Variants in ADAM12 observed in about 807,000 individuals in gnomAD.
ADAM12 encodes disintegrin and metalloproteinase domain-containing protein 12.
Under a neutral mutation model 106.4 loss-of-function variants are expected in ADAM12, and 70 were observed. That is an observed-to-expected ratio of 0.66 (90% confidence interval 0.54 to 0.80). The LOEUF (loss-of-function observed/expected upper bound fraction) is 0.80. Ranked by LOEUF, ADAM12 falls within the 30% of genes least tolerant of loss-of-function variation. ADAM12 has a pLI of 0.00. For synonymous variants in ADAM12, 420 were observed against 433.5 expected (o/e 0.97, Z 0.39); for missense variants, 1,010 against 1,171.9 (o/e 0.86, Z 2.02).
At position 126,071,612 on chromosome 10, in the gene ADAM12, G is replaced by A. The variant is rs773798732; in HGVS notation, c.1188C>T (p.Asp396=). The change falls in exon 12 of 23, where the codon GAC becomes GAT. Residue 396 remains aspartate, a synonymous_variant. Coordinates refer to ENST00000448723, the MANE Select transcript of ADAM12 (RefSeq NM_001288973.2). ...TTCCTTTCTCCAGGCTGGTCTCCAA[G>A]TCCTTCCTGCTGCAACTGCTGAACA... The part of the protein sequence containing the change: ...PMVFSSCSRK[D]LETSLEKGMG... 6.2e-7 allele frequency: 1 copy of A among 1,614,048 alleles called. No homozygotes were observed. The highest frequency in any genetic ancestry group is 8.5e-7 in the Non-Finnish European group (1 of 1,180,002).
intron 3 of ADAM12, among the ~76,000 whole-genome samples, chr10:126,253,836 G>C (rs1958835529): frequency 6.6e-6 from 1 of 152,230 alleles, no homozygotes; most frequent in South Asian, 2.1e-4. Context: ...GGCTCCATGA[G>C]AGAAGCCTCA....
chr10:126,383,649 C>T (rs1856563394), intron 1 of ADAM12, among the ~76,000 whole-genome samples: 1 of 151,922 alleles, frequency 6.6e-6, no homozygotes, highest in African/African-American at 2.4e-5. Flanking sequence ...AAGCAGAATA[C>T]CATCAACTTC....
At chr10:126,333,354 C>T (rs1032045839) in intron 1 of ADAM12, among the ~76,000 whole-genome samples, 25 of 152,218 alleles carry the variant, frequency 1.6e-4, no homozygotes, top group African/African-American at 5.3e-4. Flanking sequence ...GGATGGTTTC[C>T]ATGGGTATTC....
chr10:126,336,867 C>T lies in ADAM12; in HGVS notation c.89-6358G>A, dbSNP rs112519758. On this transcript the variant is annotated intron_variant, in intron 1 of 22. Transcript: ENST00000448723. ...CAGCATAATATTTTGAGTCAGAAGA[C>T]GCATCCTGCATCCACCACACGCTCT... Among the ~76,000 whole-genome samples the T allele has an allele frequency of 7.6e-3, 1,158 of 152,250 alleles. 16 individuals carry two copies. The highest frequency in any genetic ancestry group is 0.027 in the African/African-American group (1,102 of 41,524).
intron 3 of ADAM12, among the ~76,000 whole-genome samples, chr10:126,160,836 A>G (rs1956919432): frequency 6.6e-6 from 1 of 152,180 alleles, no homozygotes; most frequent in South Asian, 2.1e-4. Context: ...TACTCTAGCC[A>G]ACACTGGCCT....
Position 126,388,368 on chromosome 10 carries a change from G to GCGCC in ADAM12, c.-227_-224dup, listed in dbSNP as rs1435972584. The GCGCC allele has an allele frequency of 3.6e-6, 2 of 549,610 alleles. No individual in the cohort carries two copies. Among genetic ancestry groups the GCGCC allele is most frequent in the Non-Finnish European group, 5.2e-6 (2 of 385,384 alleles). 34.0% of individuals were successfully genotyped at this position (549,610 alleles called of 1,614,324 possible). On this transcript the variant is annotated 5_prime_UTR_variant, in exon 1 of 23. Coordinates refer to ENST00000448723, the MANE Select transcript of ADAM12 (RefSeq NM_001288973.2). The surrounding 1 kb of genome is among the most constrained non-coding windows in gnomAD (Gnocchi z 4.4). ...TGTGTGTGCGTGCGTGCGCGCGCGC[G>GCGCC]CGCCGTTCTGGCACAAGCCAGCCTT...
At chr10:126,132,947 T>C (rs1255655350) in intron 5 of ADAM12, among the ~76,000 whole-genome samples, 2 of 151,928 alleles carry the variant, frequency 1.3e-5, no homozygotes, top group African/African-American at 4.8e-5. Context: ...TGGCCCCTTA[T>C]CCCCCACAAG....
intron 11 of ADAM12, among the ~76,000 whole-genome samples, chr10:126,088,078 T>C (rs963223362): frequency 2.0e-5 from 3 of 152,172 alleles, no homozygotes; most frequent in Non-Finnish European, 4.4e-5. Context: ...TGTGAAATGA[T>C]GTTATGGTTA....
At chr10:126,369,641 T>A (rs1234334350) in intron 1 of ADAM12, among the ~76,000 whole-genome samples, 4 of 152,128 alleles carry the variant, frequency 2.6e-5, no homozygotes, top group Non-Finnish European at 5.9e-5. Flanking sequence ...AGAGCCACCT[T>A]ACCAATCAGA....
chr10:126,137,631 C>A (rs1316616835), intron 4 of ADAM12, among the ~76,000 whole-genome samples: 1 of 152,216 alleles, frequency 6.6e-6, no homozygotes, highest in African/African-American at 2.4e-5. Flanking sequence ...GAAATGGAAT[C>A]ATACAATAAG....
chr10:126,323,101 TATG>T (rs1274930390), intron 2 of ADAM12, among the ~76,000 whole-genome samples: 1 of 152,178 alleles, frequency 6.6e-6, no homozygotes. Context: ...GTGCATGTCA[TATG>T]ATGATATCTA....
chr10:126,123,578 T>C (rs1254949535), intron 5 of ADAM12, among the ~76,000 whole-genome samples: 1 of 152,158 alleles, frequency 6.6e-6, no homozygotes, highest in East Asian at 1.9e-4. Flanking sequence ...GGCACTCTTC[T>C]AGGATCCAGG....
At chr10:126,269,378 T>C (rs1172527706) in intron 3 of ADAM12, among the ~76,000 whole-genome samples, 1 of 152,252 alleles carries the variant, frequency 6.6e-6, no homozygotes, top group Non-Finnish European at 1.5e-5. Context: ...GGAGTTGCTC[T>C]GGTTCAAACG....
intron 1 of ADAM12, among the ~76,000 whole-genome samples, chr10:126,330,770 A>G (rs1244111090): frequency 6.6e-6 from 1 of 152,236 alleles, no homozygotes; most frequent in Non-Finnish European, 1.5e-5. Context: ...GGGTATTATC[A>G]TAGACAAGAT....
At position 126,388,175 on chromosome 10, in the gene ADAM12, G is replaced by C. The variant is rs1282567780; in HGVS notation, c.-30C>G. ...GCCGGCCTTCAGTGCAGCAGCTCTC[G>C]GGCCCGGCGGCGAGCGCTGCACCAT... is the stretch of plus-strand genomic sequence containing the variant. On this transcript the variant is annotated 5_prime_UTR_variant, in exon 1 of 23. Transcript: ENST00000448723. The surrounding 1 kb of genome is among the most constrained non-coding windows in gnomAD (Gnocchi z 4.4). 3.2e-5 allele frequency: 38 copies of C among 1,204,016 alleles called. No homozygotes were observed. In the East Asian group the frequency reaches 1.0e-3, roughly 33 times the overall value. The allele number at this position is 1,204,016 out of a possible 1,614,324, so 74.6% of individuals were successfully genotyped here. A position where few individuals can be genotyped will look rare whatever the true frequency, so the allele number is the denominator to read the frequency against.
At chr10:126,170,976 G>T (rs955860028) in intron 3 of ADAM12, among the ~76,000 whole-genome samples, 2 of 152,192 alleles carry the variant, frequency 1.3e-5, no homozygotes, top group African/African-American at 4.8e-5. Context: ...GTGACAGTGG[G>T]CCATTCATTG....
intron 1 of ADAM12, among the ~76,000 whole-genome samples, chr10:126,334,741 T>C (rs1326237504): frequency 6.6e-6 from 1 of 152,152 alleles, no homozygotes; most frequent in African/African-American, 2.4e-5. Context: ...TGGTAACTTA[T>C]GAAGGGAAAC....
chr10:126,253,642 C>A (rs1416557500), intron 3 of ADAM12, among the ~76,000 whole-genome samples: 5 of 152,218 alleles, frequency 3.3e-5, no homozygotes, highest in African/African-American at 9.6e-5. Flanking sequence ...GAAAACCCTG[C>A]TCCTCTGACA....
intron 4 of ADAM12, among the ~76,000 whole-genome samples, chr10:126,137,685 A>AC (rs1956431281): frequency 6.6e-6 from 1 of 152,214 alleles, no homozygotes; most frequent in East Asian, 1.9e-4. Flanking sequence ...TGGTGTTCTC[A>AC]AGTTCATTCA....
Sources: allele counts gnomAD v4.1 joint callset (sites outside exome capture counted in the v4.1 genomes callset), GRCh38; gene constraint gnomAD v4.1.1; non-coding constraint Gnocchi (gnomAD v3.1); transcripts MANE v1.5; gene names NCBI Gene and HGNC (gene_info 2026-07-23, HGNC 2026-07-21).